The following KCNH7 variants were observed in gnomAD, a reference collection of about 807,000 sequenced individuals.
KCNH7 encodes the protein voltage-gated inwardly rectifying potassium channel KCNH7.
In KCNH7, 49 loss-of-function variants were observed where a neutral mutation model predicts 120.8. The ratio of observed to expected loss-of-function variants is 0.41; its 90% CI spans 0.32 to 0.51. KCNH7 has a LOEUF of 0.51. Ranked by LOEUF, KCNH7 falls within the 20% of genes least tolerant of loss-of-function variation. KCNH7 has a pLI of 0.38. For missense variants in KCNH7, 1,097 were observed against 1,446.6 expected, an observed-to-expected ratio of 0.76 and a Z score of 3.92; for synonymous variants, 547 against 516.1, an observed-to-expected ratio of 1.06 and a Z score of -0.81.
intron 2 of KCNH7, among the ~76,000 whole-genome samples, chr2:162,583,761 C>T (rs1693946689): frequency 6.6e-6 from 1 of 152,016 alleles, no homozygotes; most frequent in South Asian, 2.1e-4. Context: ...TTGGTGTTAC[C>T]TGGCTGGAAA....
At chr2:162,713,777 T>G (rs1034485141) in intron 2 of KCNH7, among the ~76,000 whole-genome samples, 1 of 152,192 alleles carries the variant, frequency 6.6e-6, no homozygotes, top group African/African-American at 2.4e-5. Context: ...AAACAGAGTT[T>G]TGCCCTTGTC....
chr2:162,423,304 G>T (rs1439290585), intron 9 of KCNH7, 32 bp downstream of exon 9: 1 of 1,613,932 alleles, frequency 6.2e-7, no homozygotes, highest in Non-Finnish European at 8.5e-7. Flanking sequence ...AATGCCTGCG[G>T]CACTTTCATT....
intron 9 of KCNH7, among the ~76,000 whole-genome samples, chr2:162,417,826 C>T (rs1330961929): frequency 6.6e-6 from 1 of 152,152 alleles, no homozygotes; most frequent in African/African-American, 2.4e-5. Context: ...GACCTGAAAA[C>T]ATTAGATGCC....
At chr2:162,452,980 T>C (rs751328490) in intron 6 of KCNH7, among the ~76,000 whole-genome samples, 2 of 152,102 alleles carry the variant, frequency 1.3e-5, no homozygotes, top group Non-Finnish European at 2.9e-5. Context: ...CCAGGATACA[T>C]GTATAGAATG....
chr2:162,824,511 C>G (rs1374519187), intron 2 of KCNH7, among the ~76,000 whole-genome samples: 3 of 152,042 alleles, frequency 2.0e-5, no homozygotes, highest in Non-Finnish European at 4.4e-5. Flanking sequence ...GAGGGAAGAC[C>G]TGACAATTGA....
intron 2 of KCNH7, among the ~76,000 whole-genome samples, chr2:162,623,262 G>A (rs1683427082): frequency 1.3e-5 from 2 of 152,100 alleles, no homozygotes; most frequent in African/African-American, 4.8e-5. Flanking sequence ...ACAGCTTTAA[G>A]CATTTCTAAA....
At chr2:162,374,382 TAA>T (rs1686085653) in intron 14 of KCNH7, among the ~76,000 whole-genome samples, 1 of 152,164 alleles carries the variant, frequency 6.6e-6, no homozygotes, top group African/African-American at 2.4e-5. Flanking sequence ...CATTTTAAAT[TAA>T]AATTTAAGGG....
chr2:162,396,989 ACT>A (rs752697795), intron 10 of KCNH7, 44 bp from the exon 11 acceptor site: 1 of 1,319,762 alleles, frequency 7.6e-7, no homozygotes, highest in African/African-American at 1.5e-5. Flanking sequence ...GGGAATCCAA[ACT>A]CAATGTTCTC....
At chr2:162,542,184 G>T (rs1692330670) in intron 2 of KCNH7, among the ~76,000 whole-genome samples, 2 of 150,052 alleles carry the variant, frequency 1.3e-5, no homozygotes, top group Non-Finnish European at 1.5e-5. Flanking sequence ...ATTTACTTAG[G>T]TTTTATAACT....
chr2:162,488,426 C>G (rs1005600495), intron 6 of KCNH7, among the ~76,000 whole-genome samples: 5 of 152,064 alleles, frequency 3.3e-5, no homozygotes, highest in Admixed American at 2.0e-4. Flanking sequence ...TACAAAAACT[C>G]CTTATCTGAG....
chr2:162,821,103 A>G (rs1410160135), intron 2 of KCNH7, among the ~76,000 whole-genome samples: 1 of 152,116 alleles, frequency 6.6e-6, no homozygotes, highest in African/African-American at 2.4e-5. Context: ...GGCCTAATGG[A>G]GAGTCCAGAA....
intron 2 of KCNH7, among the ~76,000 whole-genome samples, chr2:162,653,489 A>G (rs994847087): frequency 6.6e-5 from 10 of 152,226 alleles, no homozygotes; most frequent in Non-Finnish European, 1.5e-4. Flanking sequence ...AATAGCTTCA[A>G]TAAATACATT....
intron 2 of KCNH7, among the ~76,000 whole-genome samples, chr2:162,690,687 T>G (rs189224241): frequency 6.6e-6 from 1 of 151,790 alleles, no homozygotes; most frequent in African/African-American, 2.4e-5. Flanking sequence ...CTGGGACTTT[T>G]CTTTATACAA....
chr2:162,620,794 A>G, intron 2 of KCNH7, among the ~76,000 whole-genome samples: 1 of 152,136 alleles, frequency 6.6e-6, no homozygotes, highest in African/African-American at 2.4e-5. Flanking sequence ...GGTGCCAAGA[A>G]ATCATAGAAT....
At chr2:162,679,478 A>C (rs1215393046) in intron 2 of KCNH7, among the ~76,000 whole-genome samples, 1 of 151,638 alleles carries the variant, frequency 6.6e-6, no homozygotes, top group Non-Finnish European at 1.5e-5. Flanking sequence ...CCTAAAGTTA[A>C]GACTATTATT....
intron 2 of KCNH7, among the ~76,000 whole-genome samples, chr2:162,724,275 T>C (rs1314959169): frequency 3.3e-5 from 5 of 152,188 alleles, no homozygotes; most frequent in Non-Finnish European, 7.4e-5. Flanking sequence ...AAAGTGCCAA[T>C]TATTTCTATA....
intron 6 of KCNH7, among the ~76,000 whole-genome samples, chr2:162,492,244 G>A (rs1254227955): frequency 6.6e-6 from 1 of 152,300 alleles, no homozygotes; most frequent in African/African-American, 2.4e-5. Context: ...TTTCTGTATG[G>A]TTCTGTCATA....
At chr2:162,655,698 TAGG>T (rs1684729618) in intron 2 of KCNH7, among the ~76,000 whole-genome samples, 1 of 151,842 alleles carries the variant, frequency 6.6e-6, no homozygotes, top group Non-Finnish European at 1.5e-5. Context: ...GAGGCTGAGG[TAGG>T]AGAATTGCTT....
chr2:162,742,405 A>G lies in KCNH7; in HGVS notation c.307+94132T>C, dbSNP rs182305778. Among the ~76,000 whole-genome samples, 188 of 152,132 alleles carry G rather than the reference A, an allele frequency of 1.2e-3. 1 individual carries two copies. Among genetic ancestry groups the G allele is most frequent in the Non-Finnish European group, 3.7e-4 (25 of 67,974 alleles). On this transcript the variant is annotated intron_variant, in intron 2 of 15. Coordinates refer to ENST00000332142, the MANE Select transcript of KCNH7 (RefSeq NM_033272.4). The stretch of plus-strand genomic sequence containing the variant: ...AAATAAAATACTTTTTCTTATTATT[A>G]GAAGTTAAATGTTCACTTGAATCTA...
Sources: gnomAD v4.1 joint callset for allele counts (sites outside exome capture counted in the v4.1 genomes callset) on GRCh38, gnomAD v4.1.1 for gene constraint, MANE v1.5 for transcripts, NCBI Gene and HGNC (gene_info 2026-07-23, HGNC 2026-07-21) for gene names.